IFNG: variants seen among roughly 807,000 people sequenced by gnomAD.
IFNG encodes the protein interferon gamma.
A neutral mutation model predicts 14.4 loss-of-function variants in IFNG; 8 were observed. That is an observed-to-expected ratio of 0.56 (90% CI 0.33 to 1.00). The LOEUF (loss-of-function observed/expected upper bound fraction) is 1.00. IFNG is among the 50% of genes least tolerant of loss of function. The pLI is 0.03. For missense variants in IFNG, 132 were observed against 194.9 expected (o/e 0.68, Z 1.92); for synonymous variants, 73 against 65.4 (o/e 1.12, Z -0.56).
intron 3 of IFNG, among the ~76,000 whole-genome samples, chr12:68,157,457 C>A (rs1269179808): frequency 6.6e-6 from 1 of 152,182 alleles, no homozygotes; most frequent in East Asian, 1.9e-4. Context: ...TGAGCCCCAG[C>A]CAGCCATGTG....
At position 68,155,157 on chromosome 12, in the gene IFNG, A is replaced by T; in HGVS notation, c.*196T>A. ...CTAATTAGTCAGAAAACAAAGGATT[A>T]AGTGAGACAGTCACAGGATATAGGA... On this transcript the variant is annotated 3_prime_UTR_variant, in exon 4 of 4. Coordinates refer to ENST00000229135, the MANE Select transcript of IFNG (RefSeq NM_000619.3). The T allele has an allele frequency of 2.7e-6, 1 of 366,786 alleles. No homozygotes were observed. The highest frequency in any genetic ancestry group is 4.7e-6 in the Non-Finnish European group (1 of 210,872). 22.7% of individuals were successfully genotyped at this position (366,786 alleles called of 1,614,324 possible). A position where few individuals can be genotyped will look rare whatever the true frequency, so the allele number is the denominator to read the frequency against.
rs925080655 is a variant in IFNG, at chr12:68,156,265, A to G, written c.367-778T>C. Among the ~76,000 whole-genome samples, 5 of 152,268 alleles carry G rather than the reference A, an allele frequency of 3.3e-5. No individual in the cohort carries two copies. In the East Asian group the frequency reaches 9.6e-4, roughly 29 times the overall value. On this transcript the variant is annotated intron_variant, in intron 3 of 3. Coordinates refer to ENST00000229135, the MANE Select transcript of IFNG (RefSeq NM_000619.3). Reference sequence around the variant, plus strand: ...TTATATATGGCTTACTGATATATAAAGTTTAAAATTAAGAATTGCAACAAC... The same window carrying G: ...TTATATATGGCTTACTGATATATAAGGTTTAAAATTAAGAATTGCAACAAC...
In IFNG at chr12:68,159,541, G is replaced by A. The variant is rs1218296219; in HGVS notation, c.75C>T (p.Asp25=). 7.5e-6 allele frequency: 12 copies of A among 1,601,808 alleles called. No individual in the cohort carries two copies. The highest frequency in any genetic ancestry group is 2.2e-5 in the East Asian group (1 of 44,836). ...GGTTTTCTGCTTCTTTTACATATGG[G>A]TCCTGGCAGTAACAGCCAAGAGAAC... ...VLGSLGCYCQ[D]PYVKEAENLK... is the part of the protein sequence containing the mutation. Residue 25 remains aspartate, a synonymous_variant, in exon 1 of 4, where the codon GAC becomes GAT. Coordinates refer to ENST00000229135, the MANE Select transcript of IFNG (RefSeq NM_000619.3).
chr12:68,159,374 T>C (rs1882651883), intron 1 of IFNG, 128 bp downstream of exon 1: 1 of 578,264 alleles, frequency 1.7e-6, no homozygotes, highest in Non-Finnish European at 3.2e-6. Flanking sequence ...TAGTCAATAA[T>C]TAACAAAATA....
Position 68,155,356 on chromosome 12 carries a change from C to T in IFNG, c.498G>A (p.Gln166=), listed in dbSNP as rs2120738340. Residue 166 remains glutamine, a synonymous_variant, in exon 4 of 4, where the codon CAG becomes CAA. Coordinates refer to ENST00000229135, the MANE Select transcript of IFNG (RefSeq NM_000619.3). Reference sequence around the variant, plus strand: ...AATATTGCAGGCAGGACAACCATTACTGGGATGCTCTTCGACCTCGAAACA... The same window carrying T: ...AATATTGCAGGCAGGACAACCATTATTGGGATGCTCTTCGACCTCGAAACA... ...QMLFRGRRAS[Q] 1.2e-6 allele frequency: 2 copies of T among 1,604,782 alleles called. No homozygotes were observed. The highest frequency in any genetic ancestry group is 1.7e-6 in the Non-Finnish European group (2 of 1,175,036).
chr12:68,158,553 A>C (rs1882637655), intron 1 of IFNG, among the ~76,000 whole-genome samples: 2 of 152,220 alleles, frequency 1.3e-5, no homozygotes, highest in Admixed American at 1.3e-4. Flanking sequence ...AGCTAAAGAA[A>C]GTATTTTCAA....
intron 1 of IFNG, 87 bp downstream of exon 1, chr12:68,159,415 A>G: frequency 1.6e-6 from 1 of 643,198 alleles, no homozygotes; most frequent in South Asian, 1.9e-5. Context: ...TGCCTACAAG[A>G]GATGACAGCC....
intron 2 of IFNG, 39 bp downstream of exon 2, chr12:68,158,152 G>A (rs2120746146): frequency 6.3e-7 from 1 of 1,595,042 alleles, no homozygotes; most frequent in Non-Finnish European, 8.5e-7. Flanking sequence ...CAGAAAGCAA[G>A]CAACAGGAAA....
At chr12:68,158,545 C>T (rs1445617300) in intron 1 of IFNG, among the ~76,000 whole-genome samples, 1 of 152,030 alleles carries the variant, frequency 6.6e-6, no homozygotes, top group Non-Finnish European at 1.5e-5. Context: ...CTATAGTAAG[C>T]TAAAGAAAGT....
Position 68,159,487 on chromosome 12 carries a change from A to G in IFNG, c.114+15T>C, listed in dbSNP as rs1344934131. The G allele has an allele frequency of 1.5e-6, 2 of 1,305,274 alleles. No homozygotes were observed. Among genetic ancestry groups the G allele is most frequent in the African/African-American group, 1.5e-5 (1 of 68,502 alleles). 80.9% of individuals were successfully genotyped at this position (1,305,274 alleles called of 1,614,324 possible). On this transcript the variant is annotated intron_variant, in intron 1 of 3. Transcript: ENST00000229135. ...TTTCAACCACAAACAAGTACTATTAAAAAGTCATACTTACAAAATATTTCT... is the reference window on the plus strand; with the variant it reads ...TTTCAACCACAAACAAGTACTATTAGAAAGTCATACTTACAAAATATTTCT...
At position 68,158,638 on chromosome 12, in the gene IFNG, G is replaced by T. The variant is rs535065179; in HGVS notation, c.115-379C>A. On this transcript the variant is annotated intron_variant, in intron 1 of 3. Coordinates refer to ENST00000229135, the MANE Select transcript of IFNG (RefSeq NM_000619.3). ...AAAATACTGCCCCCCAATGGTACAGGTTTCTATTACATCTACTGTGCCTTC... is the reference window on the plus strand; with the variant it reads ...AAAATACTGCCCCCCAATGGTACAGTTTTCTATTACATCTACTGTGCCTTC... Among the ~76,000 whole-genome samples the T allele has an allele frequency of 7.2e-5, 11 of 151,878 alleles. No homozygotes were observed. The South Asian group carries it at 2.3e-3, about 32-fold the overall frequency.
chr12:68,158,090 A>G lies in IFNG; in HGVS notation c.189T>C (p.Ser63=). The G allele has an allele frequency of 6.3e-7, 1 of 1,597,188 alleles. No individual in the cohort carries two copies. Among genetic ancestry groups the G allele is most frequent in the South Asian group, 1.1e-5 (1 of 87,960 alleles). The change falls in exon 3 of 4, where the codon AGT becomes AGC. Residue 63 remains serine (S), a synonymous_variant. Transcript: ENST00000229135. ...LGILKNWKEE[S]DRKIMQSQIV... Reference sequence around the variant, plus strand: ...TTTGGCTCTGCATTATTTTTCTGTCACTCTCCTTGGAAGGAAAGAGCACAA... The same window carrying G: ...TTTGGCTCTGCATTATTTTTCTGTCGCTCTCCTTGGAAGGAAAGAGCACAA...
chr12:68,157,952 T>C lies in IFNG; in HGVS notation c.327A>G (p.Lys109=). The C allele has an allele frequency of 1.2e-6, 2 of 1,607,330 alleles. No homozygotes were observed. Among genetic ancestry groups the C allele is most frequent in the Non-Finnish European group, 8.5e-7 (1 of 1,176,052 alleles). ...DMNVKFFNSN[K]KKRDDFEKLT... The stretch of plus-strand genomic sequence containing the variant: ...GCTTTTCGAAGTCATCTCGTTTCTT[T>C]TTGTTGCTATTGAAAAACTTGACAT... The change falls in exon 3 of 4, where the codon AAA becomes AAG. Residue 109 remains lysine (K), a synonymous_variant. Coordinates refer to ENST00000229135, the MANE Select transcript of IFNG (RefSeq NM_000619.3).
rs1882625034 is a variant in IFNG, at chr12:68,157,904, T to C, written c.366+9A>G. 2 of 1,575,360 alleles carry C rather than the reference T, an allele frequency of 1.3e-6. No homozygotes were observed. Among genetic ancestry groups the C allele is most frequent in the Non-Finnish European group, 1.7e-6 (2 of 1,157,292 alleles). ...AATGAAACCAAAGAAAGAATTTAAA[T>C]AGCCTCACCGAATAATTAGTCAGCT... On this transcript the variant is annotated intron_variant, in intron 3 of 3. Transcript: ENST00000229135.
At chr12:68,157,115 A>T (rs1882612789) in intron 3 of IFNG, among the ~76,000 whole-genome samples, 1 of 152,210 alleles carries the variant, frequency 6.6e-6, no homozygotes. Context: ...CAAGTTCATG[A>T]GGTAAGACTT....
At chr12:68,156,112 T>A (rs1219907236) in intron 3 of IFNG, among the ~76,000 whole-genome samples, 1 of 152,172 alleles carries the variant, frequency 6.6e-6, no homozygotes, top group African/African-American at 2.4e-5. Context: ...GAACCACTGA[T>A]CTAGGTTAGG....
rs757239347 is a variant in IFNG, at chr12:68,159,573, C to T, written c.43G>A (p.Val15Ile). ...CAGTAACAGCCAAGAGAACCCAAAA[C>T]GATGCAGAGCTGAAAAGCCAAGATA... ...SYILAFQLCI[V>I]LGSLGCYCQD... The change falls in exon 1 of 4, where the codon GTT (valine) becomes ATT (isoleucine). Residue 15 changes from valine to isoleucine, a missense_variant. By Grantham distance (29) the Val-to-Ile change is conservative. Coordinates refer to ENST00000229135, the MANE Select transcript of IFNG (RefSeq NM_000619.3). 6.2e-6 allele frequency: 10 copies of T among 1,605,500 alleles called. No homozygotes were observed. Among genetic ancestry groups the T allele is most frequent in the East Asian group, 2.2e-5 (1 of 44,852 alleles).
At chr12:68,158,417 T>C (rs1419698109) in intron 1 of IFNG, among the ~76,000 whole-genome samples, 158 bp from the exon 2 acceptor site, 2 of 152,232 alleles carry the variant, frequency 1.3e-5, no homozygotes, top group African/African-American at 4.8e-5. Context: ...AAAAGGCTTA[T>C]GTGAGATATA....
intron 3 of IFNG, among the ~76,000 whole-genome samples, chr12:68,157,110 T>C (rs1396553878): frequency 6.6e-6 from 1 of 152,310 alleles, no homozygotes; most frequent in African/African-American, 2.4e-5. Context: ...AGATACAAGT[T>C]CATGAGGTAA....
Sources: allele counts gnomAD v4.1 joint callset (sites outside exome capture counted in the v4.1 genomes callset), GRCh38; gene constraint gnomAD v4.1.1; transcripts MANE v1.5; gene names NCBI Gene and HGNC (gene_info 2026-07-23, HGNC 2026-07-21).